HAVCR1: variants seen among roughly 807,000 people sequenced by gnomAD.
HAVCR1 encodes T cell immunoglobin domain and mucin domain protein 1.
In HAVCR1, 34 loss-of-function variants were observed where a neutral mutation model predicts 32.0. The observed-to-expected ratio is 1.06, with a 90% confidence interval of 0.81 to 1.42. The LOEUF (loss-of-function observed/expected upper bound fraction) is 1.42, where lower values mean the gene tolerates loss of function less well. Ranked by LOEUF, HAVCR1 falls within the 40% of genes most tolerant of loss-of-function variation. The pLI, the probability that HAVCR1 is intolerant of heterozygous loss-of-function variation, is 0.00. For missense variants in HAVCR1, 420 were observed against 442.3 expected (o/e 0.95, Z 0.45); for synonymous variants, 178 against 170.3 (o/e 1.05, Z -0.35).
intron 3 of HAVCR1, among the ~76,000 whole-genome samples, chr5:157,052,932 G>T (rs1755856657): frequency 6.6e-6 from 1 of 152,060 alleles, no homozygotes; most frequent in African/African-American, 2.4e-5. Flanking sequence ...GCACTTTTTT[G>T]GGGGCAGGGT....
At position 157,044,623 on chromosome 5, in the gene HAVCR1, A is replaced by AAGAAAGAAAGAAAGAAG; in HGVS notation, c.782-1942_782-1941insCTTCTTTCTTTCTTTCT. Among the ~76,000 whole-genome samples, 2 of 53,318 alleles carry AAGAAAGAAAGAAAGAAG rather than the reference A, an allele frequency of 3.8e-5. 1 individual carries two copies. The highest frequency in any genetic ancestry group is 1.7e-3 in the South Asian group (2 of 1,182). 35.0% of individuals were successfully genotyped at this position (53,318 alleles called of 152,430 possible). A position where few individuals can be genotyped will look rare whatever the true frequency, so the allele number is the denominator to read the frequency against. ...AGAAAGAAAGAAAGAAAGAGAAAGA[A>AAGAAAGAAAGAAAGAAG]AGAAAGAAAGAAAGAAAGAAAGAAA... On this transcript the variant is annotated intron_variant, in intron 5 of 8. Transcript: ENST00000523175.
chr5:157,032,903 G>T lies in HAVCR1; in HGVS notation c.953-16C>A, dbSNP rs1754260526. 1.5e-5 allele frequency: 22 copies of T among 1,516,262 alleles called. No individual in the cohort carries two copies. Among genetic ancestry groups the T allele is most frequent in the Non-Finnish European group, 2.0e-5 (22 of 1,112,536 alleles). 93.9% of individuals were successfully genotyped at this position (1,516,262 alleles called of 1,614,324 possible). On this transcript the variant is annotated splice_polypyrimidine_tract_variant and intron_variant, in intron 7 of 8. Coordinates refer to ENST00000523175, the MANE Select transcript of HAVCR1 (RefSeq NM_001173393.3). ...AAGAAATACTCTAAATTGAAGGGGTGGGGAGAGAGGAGTTGAAGAGAAAAC... is the reference window on the plus strand; with the variant it reads ...AAGAAATACTCTAAATTGAAGGGGTTGGGAGAGAGGAGTTGAAGAGAAAAC...
intron 7 of HAVCR1, among the ~76,000 whole-genome samples, chr5:157,034,134 C>T (rs764794393): frequency 6.6e-6 from 1 of 152,072 alleles, no homozygotes; most frequent in Non-Finnish European, 1.5e-5. Context: ...GCTCAGCATA[C>T]GGAGGACCCA....
intron 8 of HAVCR1, 31 bp downstream of exon 8, chr5:157,032,823 A>G (rs199541418): frequency 3.3e-5 from 44 of 1,352,390 alleles, no homozygotes; most frequent in Non-Finnish European, 4.5e-5. Flanking sequence ...AGGAACCTCA[A>G]AAGTATTGAT....
intron 5 of HAVCR1, among the ~76,000 whole-genome samples, chr5:157,044,952 G>A (rs948627607): frequency 4.6e-5 from 7 of 151,848 alleles, no homozygotes; most frequent in African/African-American, 1.7e-4. Context: ...TATATAAAGG[G>A]GTGTGTGTTT....
At chr5:157,044,368 CGAAGGAAGGAAGGAAGGAAG>C (rs573183336) in intron 5 of HAVCR1, among the ~76,000 whole-genome samples, 25 of 31,330 alleles carry the variant, frequency 8.0e-4, no homozygotes, top group South Asian at 1.2e-3. Context: ...AAAGAAAGGA[CGAAGGAAGGAAGGAAGGAAG>C]GAAGGAAGGA....
chr5:157,053,073 C>A (rs6555824), intron 3 of HAVCR1, among the ~76,000 whole-genome samples: 1 of 152,138 alleles, frequency 6.6e-6, no homozygotes, highest in South Asian at 2.1e-4. Flanking sequence ...TCACCACACC[C>A]GGCTAATTTT....
At chr5:157,057,041 G>A (rs1307942809) in intron 2 of HAVCR1, among the ~76,000 whole-genome samples, 1 of 151,922 alleles carries the variant, frequency 6.6e-6, no homozygotes, top group African/African-American at 2.4e-5. Context: ...ACTAGGCCAG[G>A]CGCGGTGACT....
chr5:157,050,249 A>G (rs1467859440), intron 4 of HAVCR1, among the ~76,000 whole-genome samples: 1 of 152,228 alleles, frequency 6.6e-6, no homozygotes, highest in Non-Finnish European at 1.5e-5. Flanking sequence ...AGAACAACAC[A>G]GGAGAGTCAC....
chr5:157,052,213 G>A lies in HAVCR1; in HGVS notation c.673+148C>T, dbSNP rs143486699. ...AAAGACGCATACAACTTGGGAGTTG[G>A]GGAGGATCACAAACCCTGAGGAGAC... On this transcript the variant is annotated intron_variant, in intron 4 of 8. Transcript: ENST00000523175. The A allele has an allele frequency of 2.3e-4, 153 of 675,632 alleles. 1 individual carries two copies. The African/African-American group carries it at 2.6e-3, about 11-fold the overall frequency. 41.9% of individuals were successfully genotyped at this position (675,632 alleles called of 1,614,324 possible).
chr5:157,031,844 G>T (rs1412724343), intron 8 of HAVCR1, among the ~76,000 whole-genome samples: 1 of 151,148 alleles, frequency 6.6e-6, no homozygotes, highest in African/African-American at 2.4e-5. Flanking sequence ...TAGACTGAAA[G>T]GTCTTTAAAG....
intron 5 of HAVCR1, among the ~76,000 whole-genome samples, chr5:157,044,615 G>GAAAGAAAGAAAGAAAGAAAAAGAA (rs760337335): frequency 9.5e-5 from 5 of 52,728 alleles, no homozygotes; most frequent in African/African-American, 3.2e-4. Context: ...AAGAAAGAAA[G>GAAAGAAAGAAAGAAAGAAAAAGAA]AGAAAGAAAG....
intron 3 of HAVCR1, among the ~76,000 whole-genome samples, chr5:157,052,952 T>C (rs2113618830): frequency 6.6e-6 from 1 of 152,286 alleles, no homozygotes; most frequent in Middle Eastern, 3.4e-3. Flanking sequence ...TCTCACTCTG[T>C]CATCCAGGCC....
chr5:157,056,968 G>T, intron 2 of HAVCR1, among the ~76,000 whole-genome samples: 1 of 152,098 alleles, frequency 6.6e-6, no homozygotes, highest in East Asian at 1.9e-4. Context: ...CACTTTGGGA[G>T]ACTGAGGTGG....
At chr5:157,034,742 C>T (rs1160154896) in intron 7 of HAVCR1, among the ~76,000 whole-genome samples, 1 of 152,076 alleles carries the variant, frequency 6.6e-6, no homozygotes, top group Non-Finnish European at 1.5e-5. Context: ...ATGGCGATGA[C>T]TTTTACCAAG....
intron 4 of HAVCR1, among the ~76,000 whole-genome samples, chr5:157,050,228 G>T (rs1178730373): frequency 6.6e-6 from 1 of 152,116 alleles, no homozygotes; most frequent in African/African-American, 2.4e-5. Flanking sequence ...CTCTCTTTCG[G>T]AACGAAAAAC....
At chr5:157,041,829 C>A (rs369102368) in intron 6 of HAVCR1, among the ~76,000 whole-genome samples, 3 of 152,094 alleles carry the variant, frequency 2.0e-5, no homozygotes, top group Non-Finnish European at 2.9e-5. Context: ...GAGGCCGAGG[C>A]GGGTAGATTG....
At chr5:157,038,839 C>A (rs1336806457) in intron 6 of HAVCR1, among the ~76,000 whole-genome samples, 4 of 152,302 alleles carry the variant, frequency 2.6e-5, no homozygotes, top group Admixed American at 6.5e-5. Flanking sequence ...ACTAAAAAAA[C>A]CACAACCAGG....
the HAVCR1 span, among the ~76,000 whole-genome samples, chr5:157,066,055 TAAAAA>T: frequency 1.2e-4 from 8 of 66,934 alleles, 1 homozygote; most frequent in Admixed American, 1.5e-3. Flanking sequence ...GACTCCGTCT[TAAAAA>T]AAAAAAAAAA....
Sources: gnomAD v4.1 joint callset for allele counts (sites outside exome capture counted in the v4.1 genomes callset) on GRCh38, gnomAD v4.1.1 for gene constraint, MANE v1.5 for transcripts, NCBI Gene and HGNC (gene_info 2026-07-23, HGNC 2026-07-21) for gene names.